The following ORC4 variants were observed in gnomAD, a reference collection of about 807,000 sequenced individuals.
The protein encoded by ORC4 is origin recognition complex subunit 4, also known as origin recognition complex, subunit 4 homolog.
A neutral mutation model predicts 63.9 loss-of-function variants in ORC4; 55 were observed. The observed-to-expected ratio is 0.86, with a 90% CI of 0.69 to 1.08. The LOEUF is 1.08. Ranked by LOEUF, ORC4 falls within the 50% of genes least tolerant of loss-of-function variation. ORC4 has a pLI of 0.00. For synonymous variants in ORC4, 150 were observed against 168.5 expected (o/e 0.89, Z 0.85); for missense variants, 511 against 504.4 (o/e 1.01, Z -0.13).
chr2:147,974,495 C>T (rs1034533006), intron 2 of ORC4, among the ~76,000 whole-genome samples: 1 of 151,668 alleles, frequency 6.6e-6, no homozygotes, highest in Non-Finnish European at 1.5e-5. Context: ...ATTAGCCAGA[C>T]GTGGTGGTGG....
intron 1 of ORC4, among the ~76,000 whole-genome samples, chr2:148,004,683 T>C (rs1320213270): frequency 2.0e-5 from 3 of 152,092 alleles, no homozygotes; most frequent in Non-Finnish European, 4.4e-5. Flanking sequence ...GGCAATATCA[T>C]TCAGGACATA....
chr2:147,956,228 C>A (rs1356421627), intron 6 of ORC4, among the ~76,000 whole-genome samples: 1 of 152,030 alleles, frequency 6.6e-6, no homozygotes, highest in Non-Finnish European at 1.5e-5. Context: ...ATAAAAATAG[C>A]ATAAAGGTTT....
chr2:147,994,400 G>A (rs778491830), intron 1 of ORC4, among the ~76,000 whole-genome samples: 10 of 152,138 alleles, frequency 6.6e-5, no homozygotes, highest in East Asian at 1.9e-4. Flanking sequence ...ACACGATACC[G>A]AAGGAGAACA....
At chr2:148,007,394 CAA>C (rs530462695) in intron 1 of ORC4, among the ~76,000 whole-genome samples, 74 of 152,182 alleles carry the variant, frequency 4.9e-4, no homozygotes, top group Non-Finnish European at 7.4e-4. Context: ...AGAAACTTAA[CAA>C]AGAGACTAAA....
intron 10 of ORC4, among the ~76,000 whole-genome samples, chr2:147,941,644 T>C (rs1293315617): frequency 6.6e-6 from 1 of 151,854 alleles, no homozygotes; most frequent in Non-Finnish European, 1.5e-5. Flanking sequence ...GAATCCCATA[T>C]GACAAAAAAC....
chr2:147,973,058 T>C lies in ORC4; in HGVS notation c.135-229A>G, dbSNP rs3768679. 3.9e-5 allele frequency among the ~76,000 whole-genome samples: 6 copies of C among 152,250 alleles called. No individual in the cohort carries two copies. In the East Asian group the frequency reaches 1.2e-3, roughly 29 times the overall value. ...GTGAAAACGTAGTCAGATTGGAATA[T>C]ATTGATTTATACGATAGTAGGGGAC... On this transcript the variant is annotated intron_variant, in intron 3 of 13. Coordinates refer to ENST00000392857, the MANE Select transcript of ORC4 (RefSeq NM_181741.4).
At chr2:148,011,155 G>C (rs934351675) in intron 1 of ORC4, among the ~76,000 whole-genome samples, 1 of 151,858 alleles carries the variant, frequency 6.6e-6, no homozygotes, top group African/African-American at 2.4e-5. Context: ...ACCAAAACCA[G>C]ACAACGATAC....
chr2:147,968,651 A>T (rs995469736), intron 4 of ORC4, among the ~76,000 whole-genome samples: 2 of 152,030 alleles, frequency 1.3e-5, no homozygotes, highest in Non-Finnish European at 2.9e-5. Context: ...GCTGGTGAAG[A>T]TGCAAAAAAA....
At chr2:147,947,981 TA>T in intron 9 of ORC4, 69 bp downstream of exon 9, 3 of 1,250,670 alleles carry the variant, frequency 2.4e-6, no homozygotes, top group Non-Finnish European at 2.3e-6. Context: ...TACTAATTTC[TA>T]AAATTTGTGT....
chr2:147,955,228 A>C, intron 7 of ORC4, 119 bp downstream of exon 7: 1 of 673,222 alleles, frequency 1.5e-6, no homozygotes. Context: ...ATTCTTTTTA[A>C]TGTTTCTGTA....
chr2:147,950,757 T>A (rs1476684501), intron 8 of ORC4, among the ~76,000 whole-genome samples: 4 of 113,042 alleles, frequency 3.5e-5, no homozygotes, highest in African/African-American at 1.4e-4. Context: ...AGAGCAAGAC[T>A]CCATCTCAAA....
chr2:147,947,972 A>G, intron 9 of ORC4, 79 bp downstream of exon 9: 3 of 1,088,606 alleles, frequency 2.8e-6, no homozygotes, highest in South Asian at 2.6e-5. Context: ...GTGTTAATTT[A>G]CTAATTTCTA....
At position 147,952,534 on chromosome 2, in the gene ORC4, A is replaced by C. The variant is rs749794043; in HGVS notation, c.437-10T>G. ...CTGCTAGTTCGGTCACCTAAGATAA[A>C]ATAAGAGCATTACATTAATAAGAAA... On this transcript the variant is annotated splice_polypyrimidine_tract_variant and intron_variant, in intron 7 of 13. Coordinates refer to ENST00000392857, the MANE Select transcript of ORC4 (RefSeq NM_181741.4). The C allele has an allele frequency of 1.3e-6, 2 of 1,585,436 alleles. No individual in the cohort carries two copies. Among genetic ancestry groups the C allele is most frequent in the Non-Finnish European group, 1.7e-6 (2 of 1,154,096 alleles).
chr2:147,974,807 TAAAA>T (rs35378474), intron 2 of ORC4, among the ~76,000 whole-genome samples: 47 of 119,914 alleles, frequency 3.9e-4, no homozygotes, highest in African/African-American at 1.4e-3. Flanking sequence ...ATCTTTTCCT[TAAAA>T]AAAAAAAAAA....
intron 5 of ORC4, 149 bp from the exon 6 acceptor site, chr2:147,958,532 T>C: frequency 1.6e-6 from 1 of 626,384 alleles, no homozygotes; most frequent in East Asian, 2.8e-5. Context: ...AGACATTCGG[T>C]AGAATCAAAA....
chr2:147,945,026 T>C (rs1688580907), intron 9 of ORC4, among the ~76,000 whole-genome samples: 1 of 152,038 alleles, frequency 6.6e-6, no homozygotes, highest in Non-Finnish European at 1.5e-5. Context: ...AAAAATTTGT[T>C]TAGCTTTTCC....
chr2:147,974,547 A>G (rs576923320), intron 2 of ORC4, among the ~76,000 whole-genome samples: 1 of 151,874 alleles, frequency 6.6e-6, no homozygotes, highest in African/African-American at 2.4e-5. Context: ...AGGCAGGAGA[A>G]TTGCTTGAAC....
chr2:147,948,593 A>C (rs540354632), intron 8 of ORC4, among the ~76,000 whole-genome samples: 1 of 152,100 alleles, frequency 6.6e-6, no homozygotes, highest in South Asian at 2.1e-4. Context: ...AATTAATAGC[A>C]TGATAGGCAG....
intron 1 of ORC4, among the ~76,000 whole-genome samples, chr2:147,994,020 A>G (rs550069679): frequency 5.9e-5 from 9 of 152,220 alleles, no homozygotes; most frequent in Non-Finnish European, 1.2e-4. Flanking sequence ...TGCAGGATAC[A>G]AGGTTAATAT....
Sources: allele counts gnomAD v4.1 joint callset (sites outside exome capture counted in the v4.1 genomes callset), GRCh38; gene constraint gnomAD v4.1.1; transcripts MANE v1.5; gene names NCBI Gene and HGNC (gene_info 2026-07-23, HGNC 2026-07-21).